SOD2: variants seen among roughly 807,000 people sequenced by gnomAD.
The protein encoded by SOD2 is superoxide dismutase [Mn], mitochondrial.
SOD2 carries 11 observed loss-of-function variants against 27.0 expected under a neutral mutation model. That is an observed-to-expected ratio of 0.41 (90% CI 0.26 to 0.67). SOD2 has a LOEUF of 0.67. Among genes scored for constraint, SOD2 ranks in the 30% least tolerant of loss-of-function variants. The pLI is 0.34. For synonymous variants in SOD2, 105 were observed against 103.0 expected, an observed-to-expected ratio of 1.02 and a Z score of -0.12; for missense variants, 250 against 274.5, an observed-to-expected ratio of 0.91 and a Z score of 0.63.
intron 1 of SOD2, among the ~76,000 whole-genome samples, chr6:159,702,318 A>G (rs2114808544): frequency 6.7e-6 from 1 of 149,284 alleles, no homozygotes; most frequent in South Asian, 2.1e-4. Flanking sequence ...TTTTCTTGAG[A>G]CTGAGTCTCA....
At chr6:159,718,190 C>A (rs763448370) in intron 1 of SOD2, among the ~76,000 whole-genome samples, 8 of 151,928 alleles carry the variant, frequency 5.3e-5, no homozygotes, top group Non-Finnish European at 1.0e-4. Flanking sequence ...TGGGGTCTCA[C>A]TTTGTTGCCC....
Position 159,682,577 on chromosome 6 carries a change from A to G in SOD2, c.585T>C (p.Asn195=). The change falls in exon 5 of 5, where the codon AAT becomes AAC. Residue 195 remains asparagine, a synonymous_variant. Transcript: ENST00000538183. ...TAGCTTTTAGATAATCAGGCCTGAC[A>G]TTTTTATACTGAAGGTAGTAAGCGT... The part of the protein sequence containing the change: ...WEHAYYLQYK[N]VRPDYLKAIW... 3 of 1,614,006 alleles carry G rather than the reference A, an allele frequency of 1.9e-6. No homozygotes were observed. The highest frequency in any genetic ancestry group is 1.7e-6 in the Non-Finnish European group (2 of 1,179,944).
At chr6:159,708,792 A>G (rs140766101) in intron 1 of SOD2, among the ~76,000 whole-genome samples, 3,032 of 152,326 alleles carry the variant, frequency 0.02, 109 homozygotes, top group African/African-American at 0.069. Flanking sequence ...ATGGAACCAA[A>G]AAAGAGCCCA....
intron 1 of SOD2, among the ~76,000 whole-genome samples, chr6:159,757,643 C>T (rs1780043158): frequency 6.6e-6 from 1 of 152,106 alleles, no homozygotes; most frequent in African/African-American, 2.4e-5. Context: ...GAACTCCTGA[C>T]CTTGTGATCC....
At chr6:159,726,994 C>T in intron 1 of SOD2, 1 of 1,271,206 alleles carries the variant, frequency 7.9e-7, no homozygotes, top group Non-Finnish European at 1.0e-6. Flanking sequence ...CCGCCTTCGC[C>T]CAGATCCCTC....
upstream of SOD2, among the ~76,000 whole-genome samples, chr6:159,697,096 C>G (rs117251281): frequency 4.3e-4 from 65 of 150,622 alleles, 2 homozygotes; most frequent in East Asian, 0.011. Context: ...CAGCTATACA[C>G]ATTTGAAGTC....
chr6:159,682,748 C>T, intron 4 of SOD2, 110 bp from the exon 5 acceptor site: 1 of 985,766 alleles, frequency 1.0e-6, no homozygotes, highest in South Asian at 2.4e-5. Context: ...CCCTTTGTAA[C>T]AATCTCATTC....
At chr6:159,683,070 C>T (rs191132986) in intron 4 of SOD2, among the ~76,000 whole-genome samples, 2 of 152,304 alleles carry the variant, frequency 1.3e-5, no homozygotes, top group African/African-American at 2.4e-5. Flanking sequence ...GAGGAACCAG[C>T]TCTGCTCCCC....
chr6:159,691,092 T>C (rs1403647687), intron 2 of SOD2: 2 of 152,176 alleles, frequency 1.3e-5, no homozygotes, highest in Admixed American at 1.3e-4. Context: ...TATAGTACAA[T>C]ACAATAAAAA....
At chr6:159,686,947 A>G (rs1449054503) in intron 3 of SOD2, among the ~76,000 whole-genome samples, 1 of 152,220 alleles carries the variant, frequency 6.6e-6, no homozygotes, top group Non-Finnish European at 1.5e-5. Flanking sequence ...GGAAACAGTG[A>G]TAGCGAACAA....
At chr6:159,694,101 G>A (rs1218924608), upstream of SOD2, among the ~76,000 whole-genome samples, 1 of 152,206 alleles carries the variant, frequency 6.6e-6, no homozygotes, top group East Asian at 1.9e-4. Flanking sequence ...TCACTACTAA[G>A]CCCTGGCAGT....
intron 1 of SOD2, among the ~76,000 whole-genome samples, chr6:159,752,072 A>G (rs1337858221): frequency 6.6e-6 from 1 of 152,152 alleles, no homozygotes; most frequent in African/African-American, 2.4e-5. Flanking sequence ...CAAAAAAAAA[A>G]AAAAAATGCT....
At chr6:159,753,401 G>C in intron 1 of SOD2, 1 of 1,610,310 alleles carries the variant, frequency 6.2e-7, no homozygotes, top group Non-Finnish European at 8.5e-7. Flanking sequence ...TGTAATAATT[G>C]TAAGCAAAGA....
intron 1 of SOD2, among the ~76,000 whole-genome samples, chr6:159,719,850 A>G (rs1777997002): frequency 6.6e-6 from 1 of 151,006 alleles, no homozygotes; most frequent in South Asian, 2.1e-4. Flanking sequence ...CAGCCTCCCA[A>G]GTAGTTGGAT....
At chr6:159,743,910 CGTATG>C in intron 1 of SOD2, 1 of 1,111,918 alleles carries the variant, frequency 9.0e-7, no homozygotes, top group South Asian at 2.7e-5. Context: ...TTTATAGGTA[CGTATG>C]CTTTGAGCTT....
intron 1 of SOD2, among the ~76,000 whole-genome samples, chr6:159,758,587 G>A (rs1032283536): frequency 6.6e-6 from 1 of 152,152 alleles, no homozygotes; most frequent in African/African-American, 2.4e-5. Flanking sequence ...TGTCTTGGGA[G>A]TTCACCTATC....
intron 1 of SOD2, among the ~76,000 whole-genome samples, chr6:159,756,594 CTTTTTTT>C (rs3066261): frequency 4.2e-5 from 4 of 94,386 alleles, no homozygotes; most frequent in South Asian, 4.1e-4. Flanking sequence ...ATTTCTTAGG[CTTTTTTT>C]TTTTTTTTTT....
At position 159,675,966 on chromosome 6, in the gene SOD2, A is replaced by G. The variant is rs190393704; in HGVS notation, c.*6527T>C. 1 of 152,376 alleles carries G rather than the reference A, an allele frequency of 6.6e-6. No individual in the cohort carries two copies. The highest frequency in any genetic ancestry group is 1.9e-4 in the East Asian group (1 of 5,186). The allele number at this position is 152,376 out of a possible 1,614,324, so 9.4% of individuals were successfully genotyped here. On this transcript the variant is annotated 3_prime_UTR_variant, in exon 5 of 5. Transcript: ENST00000538183. ...GAAGAGACACTTCTCAAAAGAAGACATCCATGCATCCAACAGACACATGAA... is the reference window on the plus strand; with the variant it reads ...GAAGAGACACTTCTCAAAAGAAGACGTCCATGCATCCAACAGACACATGAA...
At chr6:159,732,872 C>T (rs992877491) in intron 1 of SOD2, among the ~76,000 whole-genome samples, 1 of 123,334 alleles carries the variant, frequency 8.1e-6, no homozygotes, top group Admixed American at 8.0e-5. Flanking sequence ...CTCTCTCTCT[C>T]TGTATATATA....
Sources: gnomAD v4.1 joint callset for allele counts (sites outside exome capture counted in the v4.1 genomes callset) on GRCh38, gnomAD v4.1.1 for gene constraint, MANE v1.5 for transcripts, NCBI Gene and HGNC (gene_info 2026-07-23, HGNC 2026-07-21) for gene names.